Variants in UBASH3B observed in about 807,000 individuals in gnomAD.
UBASH3B encodes ubiquitin associated and SH3 domain containing B.
Under a neutral mutation model 83.4 loss-of-function variants are expected in UBASH3B, and 37 were observed. That is an observed-to-expected ratio of 0.44 (90% CI 0.34 to 0.58). The LOEUF (loss-of-function observed/expected upper bound fraction) is 0.58. Among genes scored for constraint, UBASH3B ranks in the 20% least tolerant of loss-of-function variants. The probability of loss-of-function intolerance (pLI) is 0.01; values close to 1 mark genes in which losing one functional copy is unlikely to be tolerated. For synonymous variants in UBASH3B, 304 were observed against 318.3 expected (o/e 0.96, Z 0.48); for missense variants, 657 against 827.2 (o/e 0.79, Z 2.52).
intron 1 of UBASH3B, among the ~76,000 whole-genome samples, chr11:122,726,521 T>G (rs564905251): frequency 1.1e-4 from 16 of 152,208 alleles, no homozygotes; most frequent in African/African-American, 3.6e-4. Context: ...GGCTAATTTT[T>G]GTATTTTTAG....
chr11:122,776,596 A>C (rs1227779705), intron 2 of UBASH3B, among the ~76,000 whole-genome samples: 4 of 152,208 alleles, frequency 2.6e-5, no homozygotes, highest in African/African-American at 9.6e-5. Flanking sequence ...TACCCTACTT[A>C]TCTTCCAGGG....
intron 1 of UBASH3B, among the ~76,000 whole-genome samples, chr11:122,709,084 A>C (rs1444771668): frequency 2.6e-5 from 4 of 152,124 alleles, no homozygotes; most frequent in African/African-American, 9.7e-5. Context: ...CTGTCTCTAC[A>C]AAAACTACAA....
At chr11:122,769,313 A>T (rs932364159) in intron 1 of UBASH3B, among the ~76,000 whole-genome samples, 1 of 152,224 alleles carries the variant, frequency 6.6e-6, no homozygotes, top group African/African-American at 2.4e-5. Context: ...GCTCCAAGCC[A>T]TTCATGAGCA....
At chr11:122,777,760 C>T (rs904834426) in intron 3 of UBASH3B, among the ~76,000 whole-genome samples, 1 of 152,140 alleles carries the variant, frequency 6.6e-6, no homozygotes, top group African/African-American at 2.4e-5. Context: ...GACAGAGTCT[C>T]ACTCTGTCAC....
chr11:122,702,755 C>T (rs1226167313), intron 1 of UBASH3B, among the ~76,000 whole-genome samples: 1 of 151,904 alleles, frequency 6.6e-6, no homozygotes, highest in African/African-American at 2.4e-5. Context: ...TAACTCCTGA[C>T]GTCAGGTGAT....
intron 4 of UBASH3B, among the ~76,000 whole-genome samples, chr11:122,780,475 G>A (rs993212336): frequency 2.6e-5 from 4 of 152,198 alleles, no homozygotes; most frequent in African/African-American, 9.7e-5. Flanking sequence ...TCTGGTGGGG[G>A]GAGAGCCTCT....
intron 7 of UBASH3B, 81 bp from the exon 8 acceptor site, chr11:122,796,075 C>T: frequency 6.4e-7 from 1 of 1,571,748 alleles, no homozygotes; most frequent in Admixed American, 1.7e-5. Flanking sequence ...GGTAGTAGAG[C>T]TCAGCTCACC....
Position 122,788,975 on chromosome 11 carries a change from AG to A in UBASH3B, c.772-122del, listed in dbSNP as rs1223028569. On this transcript the variant is annotated intron_variant, in intron 5 of 13. Coordinates refer to ENST00000284273, the MANE Select transcript of UBASH3B (RefSeq NM_032873.5). ...ATCTACTCAGGGCCTGCAGACCCCA[AG>A]GGCTCCTGGGCACATCGCCCTCTGG... The A allele has an allele frequency of 2.7e-5, 23 of 841,598 alleles. No homozygotes were observed. The East Asian group carries it at 5.6e-4, about 21-fold the overall frequency. The allele number at this position is 841,598 out of a possible 1,614,324, so 52.1% of individuals were successfully genotyped here.
chr11:122,729,340 G>A (rs1251042995), intron 1 of UBASH3B, among the ~76,000 whole-genome samples: 2 of 152,158 alleles, frequency 1.3e-5, no homozygotes, highest in African/African-American at 2.4e-5. Flanking sequence ...AGGGGAAGGG[G>A]TGTGAGAGGC....
At chr11:122,749,597 AC>A (rs1861169778) in intron 1 of UBASH3B, among the ~76,000 whole-genome samples, 1 of 152,242 alleles carries the variant, frequency 6.6e-6, no homozygotes, top group African/African-American at 2.4e-5. Context: ...CAAGGGCCTC[AC>A]AGCTAGTGAA....
chr11:122,753,644 G>GCAC (rs1489322604), intron 1 of UBASH3B, among the ~76,000 whole-genome samples: 1 of 151,372 alleles, frequency 6.6e-6, no homozygotes, highest in Non-Finnish European at 1.5e-5. Context: ...TTACAGGCAT[G>GCAC]CACCACCACA....
intron 1 of UBASH3B, among the ~76,000 whole-genome samples, chr11:122,680,392 G>A (rs1863722896): frequency 6.6e-6 from 1 of 152,228 alleles, no homozygotes; most frequent in Non-Finnish European, 1.5e-5. Context: ...ACAGTGACTT[G>A]CTGAGAGTAG....
At chr11:122,677,515 A>G (rs1483116730) in intron 1 of UBASH3B, among the ~76,000 whole-genome samples, 2 of 152,074 alleles carry the variant, frequency 1.3e-5, no homozygotes, top group African/African-American at 4.8e-5. Context: ...CCATTATCAC[A>G]TCATCAAAGT....
chr11:122,802,528 T>G (rs559325527), intron 11 of UBASH3B, among the ~76,000 whole-genome samples: 91 of 152,264 alleles, frequency 6.0e-4, no homozygotes, highest in Middle Eastern at 6.8e-3. Context: ...ACCTTTCATT[T>G]TAAATACCTA....
intron 1 of UBASH3B, among the ~76,000 whole-genome samples, chr11:122,689,530 C>T (rs943066381): frequency 2.6e-5 from 4 of 152,056 alleles, no homozygotes; most frequent in Non-Finnish European, 1.5e-5. Flanking sequence ...GCCTTTACAC[C>T]GCAACAGCAA....
chr11:122,672,927 C>T (rs957561934), intron 1 of UBASH3B, among the ~76,000 whole-genome samples: 14 of 152,088 alleles, frequency 9.2e-5, no homozygotes, highest in South Asian at 2.1e-4. Flanking sequence ...TTCTGGATAG[C>T]GGCTTTCATG....
At chr11:122,770,108 A>G (rs1860616635) in intron 1 of UBASH3B, among the ~76,000 whole-genome samples, 1 of 152,242 alleles carries the variant, frequency 6.6e-6, no homozygotes, top group African/African-American at 2.4e-5. Flanking sequence ...TAAGTGAACA[A>G]GTCCTTGGTC....
intron 4 of UBASH3B, 115 bp downstream of exon 4, chr11:122,779,810 T>G: frequency 8.0e-7 from 1 of 1,246,504 alleles, no homozygotes; most frequent in Non-Finnish European, 1.1e-6. Flanking sequence ...TGGAGGACCC[T>G]GCAGGAATGG....
intron 1 of UBASH3B, among the ~76,000 whole-genome samples, chr11:122,745,356 TCAG>T (rs1861101550): frequency 6.6e-6 from 1 of 152,196 alleles, no homozygotes; most frequent in Non-Finnish European, 1.5e-5. Flanking sequence ...GTGCATTCAT[TCAG>T]CAAGTATTTA....
Sources: allele counts gnomAD v4.1 joint callset (sites outside exome capture counted in the v4.1 genomes callset), GRCh38; gene constraint gnomAD v4.1.1; transcripts MANE v1.5; gene names NCBI Gene and HGNC (gene_info 2026-07-23, HGNC 2026-07-21).